COG6: variants seen among roughly 807,000 people sequenced by gnomAD.
The protein encoded by COG6 is component of oligomeric golgi complex 6.
A neutral mutation model predicts 88.8 loss-of-function variants in COG6; 74 were observed. The observed-to-expected ratio is 0.83, with a 90% CI of 0.69 to 1.01. The LOEUF is 1.01. Among genes scored for constraint, COG6 ranks in the 50% least tolerant of loss-of-function variants. The pLI is 0.00. For missense variants in COG6, 800 were observed against 797.9 expected (o/e 1.00, Z -0.03); for synonymous variants, 286 against 278.7 (o/e 1.03, Z -0.26).
At chr13:39,790,255 C>T (rs1445036224) in exon 19 of COG6, 1 of 152,080 alleles carries the variant, frequency 6.6e-6, no homozygotes, top group Non-Finnish European at 1.5e-5. Flanking sequence ...CCCTCATGCA[C>T]TAAGTGAGGA....
chr13:39,748,631 A>C (rs1047348033), intron 18 of COG6, among the ~76,000 whole-genome samples: 13 of 152,196 alleles, frequency 8.5e-5, no homozygotes, highest in African/African-American at 3.1e-4. Flanking sequence ...AGAAAAAAAA[A>C]AAATCCCCAA....
chr13:39,778,219 G>A (rs1881521972), intron 18 of COG6, among the ~76,000 whole-genome samples: 1 of 152,154 alleles, frequency 6.6e-6, no homozygotes. Context: ...TCTCAGGACA[G>A]GAAGGACCCT....
chr13:39,744,176 C>T (rs1880208335), intron 18 of COG6, among the ~76,000 whole-genome samples: 1 of 152,136 alleles, frequency 6.6e-6, no homozygotes, highest in African/African-American at 2.4e-5. Context: ...TGGAAGCATT[C>T]CCTTTGAAAA....
In COG6 at chr13:39,719,220, T is replaced by C; in HGVS notation, c.1285-16T>C. On this transcript the variant is annotated splice_polypyrimidine_tract_variant and intron_variant, in intron 13 of 18. Coordinates refer to ENST00000455146, the MANE Select transcript of COG6 (RefSeq NM_020751.3). ...GGAAAAAATATAAGGAGTGGGTAAATCATCTCTTGTTTTAGGTTGAACTCC... is the reference window on the plus strand; with the variant it reads ...GGAAAAAATATAAGGAGTGGGTAAACCATCTCTTGTTTTAGGTTGAACTCC... 1 of 1,611,298 alleles carries C rather than the reference T, an allele frequency of 6.2e-7. No homozygotes were observed. Among genetic ancestry groups the C allele is most frequent in the South Asian group, 1.1e-5 (1 of 91,010 alleles).
At chr13:39,715,543 T>G (rs906921957) in intron 13 of COG6, among the ~76,000 whole-genome samples, 6 of 152,158 alleles carry the variant, frequency 3.9e-5, no homozygotes, top group Non-Finnish European at 2.9e-5. Context: ...TAGCAGATCT[T>G]TCTGATTTGT....
chr13:39,701,882 T>A (rs574372062), intron 13 of COG6, among the ~76,000 whole-genome samples: 1 of 152,038 alleles, frequency 6.6e-6, no homozygotes, highest in African/African-American at 2.4e-5. Flanking sequence ...AATGAAGATA[T>A]ATGGAAAGGA....
chr13:39,777,653 G>A (rs1301590896), intron 18 of COG6, among the ~76,000 whole-genome samples: 12 of 152,198 alleles, frequency 7.9e-5, no homozygotes, highest in African/African-American at 4.8e-5. Flanking sequence ...CACCAGTGTT[G>A]CAATCGCAGA....
chr13:39,780,875 A>C (rs1184845289), intron 18 of COG6, among the ~76,000 whole-genome samples: 1 of 152,212 alleles, frequency 6.6e-6, no homozygotes, highest in Non-Finnish European at 1.5e-5. Context: ...GTTACTGTGC[A>C]CAGATGCGTG....
At chr13:39,770,388 T>G (rs567380237) in intron 18 of COG6, among the ~76,000 whole-genome samples, 3 of 152,362 alleles carry the variant, frequency 2.0e-5, no homozygotes, top group Non-Finnish European at 4.4e-5. Context: ...TGGCCTCTCA[T>G]TAGCCTCCTC....
At chr13:39,735,706 CTT>C (rs747873961) in intron 18 of COG6, among the ~76,000 whole-genome samples, 5 of 108,046 alleles carry the variant, frequency 4.6e-5, no homozygotes, top group Non-Finnish European at 7.6e-5. Flanking sequence ...TGATGAAGTC[CTT>C]TTTTTTTTTT....
At chr13:39,707,321 G>A (rs774331464) in intron 13 of COG6, among the ~76,000 whole-genome samples, 1 of 151,764 alleles carries the variant, frequency 6.6e-6, no homozygotes, top group East Asian at 1.9e-4. Context: ...TAGAGACGGG[G>A]TTTCACCATG....
intron 17 of COG6, among the ~76,000 whole-genome samples, chr13:39,724,799 A>G (rs1251419737): frequency 6.6e-6 from 1 of 151,854 alleles, no homozygotes; most frequent in Non-Finnish European, 1.5e-5. Context: ...ACTGTTTAGG[A>G]TTACTGTTTA....
intron 13 of COG6, among the ~76,000 whole-genome samples, chr13:39,700,341 T>G (rs972525143): frequency 1.3e-5 from 2 of 151,896 alleles, no homozygotes; most frequent in African/African-American, 4.8e-5. Flanking sequence ...AGTAGCAATT[T>G]AGTCCAGAAT....
chr13:39,749,951 A>T (rs1054238027), intron 18 of COG6, among the ~76,000 whole-genome samples: 1 of 152,154 alleles, frequency 6.6e-6, no homozygotes, highest in Non-Finnish European at 1.5e-5. Context: ...GATGGATTGA[A>T]TATTGAAGAG....
chr13:39,709,359 A>G (rs910494920), intron 13 of COG6, among the ~76,000 whole-genome samples: 1 of 152,124 alleles, frequency 6.6e-6, no homozygotes, highest in African/African-American at 2.4e-5. Context: ...ATATTATGTA[A>G]TGGTGAAGTC....
exon 19 of COG6, chr13:39,788,888 T>G (rs983908331): frequency 6.4e-6 from 1 of 155,222 alleles, no homozygotes; most frequent in Non-Finnish European, 1.4e-5. Context: ...CTGGCAGAGA[T>G]AGCATTACGC....
At chr13:39,735,868 A>G (rs1879718099) in intron 18 of COG6, among the ~76,000 whole-genome samples, 1 of 152,032 alleles carries the variant, frequency 6.6e-6, no homozygotes, top group Admixed American at 6.6e-5. Flanking sequence ...TTCCACTGAA[A>G]AGTCTGCTGC....
chr13:39,742,786 A>G (rs1158932666), intron 18 of COG6, among the ~76,000 whole-genome samples: 1 of 152,162 alleles, frequency 6.6e-6, no homozygotes, highest in Non-Finnish European at 1.5e-5. Context: ...TCCACCCCAA[A>G]TCAACAGAAT....
At chr13:39,702,243 A>G (rs1296972549) in intron 13 of COG6, among the ~76,000 whole-genome samples, 1 of 152,042 alleles carries the variant, frequency 6.6e-6, no homozygotes, top group African/African-American at 2.4e-5. Context: ...AACTTCATTC[A>G]TCCTTAGGAG....
Sources: gnomAD v4.1 joint callset for allele counts (sites outside exome capture counted in the v4.1 genomes callset) on GRCh38, gnomAD v4.1.1 for gene constraint, MANE v1.5 for transcripts, NCBI Gene and HGNC (gene_info 2026-07-23, HGNC 2026-07-21) for gene names.